Variants in CSMD1 observed in about 807,000 individuals in gnomAD.
The protein encoded by CSMD1 is CUB and Sushi multiple domains 1.
Under a neutral mutation model 417.5 loss-of-function variants are expected in CSMD1, and 213 were observed. The ratio of observed to expected loss-of-function variants is 0.51; its 90% CI spans 0.46 to 0.57. The LOEUF (loss-of-function observed/expected upper bound fraction) is 0.57, where lower values mean the gene tolerates loss of function less well. Among genes scored for constraint, CSMD1 ranks in the 20% least tolerant of loss-of-function variants. The pLI, the probability that CSMD1 is intolerant of heterozygous loss-of-function variation, is 0.00. For synonymous variants in CSMD1, 2,862 were observed against 1,736.8 expected (o/e 1.65, Z -16.11); for missense variants, 6,923 against 4,529.7 (o/e 1.53, Z -15.17).
At chr8:3,537,208 C>T (rs1255749433) in intron 10 of CSMD1, among the ~76,000 whole-genome samples, 2 of 152,070 alleles carry the variant, frequency 1.3e-5, no homozygotes, top group African/African-American at 4.8e-5. Context: ...ACCATGTTGG[C>T]CAAGATAGTC....
At chr8:3,305,528 G>A (rs892339936) in intron 25 of CSMD1, among the ~76,000 whole-genome samples, 3 of 152,036 alleles carry the variant, frequency 2.0e-5, no homozygotes, top group Non-Finnish European at 4.4e-5. Flanking sequence ...CCTGATAAAA[G>A]GTTAAGCTTG....
At chr8:3,190,448 T>A (rs1796346897) in intron 33 of CSMD1, among the ~76,000 whole-genome samples, 2 of 152,164 alleles carry the variant, frequency 1.3e-5, no homozygotes, top group Admixed American at 6.5e-5. Context: ...GAGGACGGAT[T>A]GATATTCAGG....
At chr8:3,806,615 A>G (rs545261138) in intron 5 of CSMD1, among the ~76,000 whole-genome samples, 2 of 152,342 alleles carry the variant, frequency 1.3e-5, no homozygotes, top group East Asian at 3.9e-4. Flanking sequence ...AACAACATCA[A>G]TAATCAATGT....
At chr8:3,985,528 A>T (rs1585081713) in intron 5 of CSMD1, among the ~76,000 whole-genome samples, 1 of 152,128 alleles carries the variant, frequency 6.6e-6, no homozygotes, top group African/African-American at 2.4e-5. Context: ...GATACAACGA[A>T]CACATCATTT....
chr8:4,916,875 C>T (rs975183694), intron 1 of CSMD1, among the ~76,000 whole-genome samples: 4 of 152,178 alleles, frequency 2.6e-5, no homozygotes, highest in Non-Finnish European at 4.4e-5. Flanking sequence ...AGAAAGGAAT[C>T]CTTTGTCAGC....
chr8:3,684,592 C>T (rs1419535141), intron 7 of CSMD1, among the ~76,000 whole-genome samples: 1 of 142,548 alleles, frequency 7.0e-6, no homozygotes. Context: ...GATACTGATA[C>T]AGTCTTTTTT....
At chr8:4,408,477 T>C (rs1461556781) in intron 3 of CSMD1, among the ~76,000 whole-genome samples, 1 of 152,238 alleles carries the variant, frequency 6.6e-6, no homozygotes, top group African/African-American at 2.4e-5. Context: ...TGACTGTTTT[T>C]AATAGCTTAA....
At chr8:3,375,362 G>C (rs183209624) in intron 18 of CSMD1, 1 of 152,188 alleles carries the variant, frequency 6.6e-6, no homozygotes, top group South Asian at 2.1e-4. Context: ...ACCTGTGAAA[G>C]CACAGCCTTG....
intron 1 of CSMD1, among the ~76,000 whole-genome samples, chr8:4,912,995 G>T (rs1036888683): frequency 6.6e-6 from 1 of 152,056 alleles, no homozygotes; most frequent in Admixed American, 6.5e-5. Context: ...TACCGTGTTG[G>T]CCAGGATAGT....
chr8:3,971,592 G>A (rs909621649), intron 5 of CSMD1, among the ~76,000 whole-genome samples: 1 of 152,090 alleles, frequency 6.6e-6, no homozygotes, highest in Non-Finnish European at 1.5e-5. Context: ...TGTAGAATAT[G>A]TTCAGTTTTG....
chr8:4,547,415 G>A (rs974864471), intron 2 of CSMD1, among the ~76,000 whole-genome samples: 5 of 152,084 alleles, frequency 3.3e-5, no homozygotes, highest in African/African-American at 1.2e-4. Flanking sequence ...GATTTTAGAA[G>A]AAAATACAAC....
intron 25 of CSMD1, among the ~76,000 whole-genome samples, chr8:3,307,408 G>C (rs544193465): frequency 2.1e-4 from 8 of 38,638 alleles, no homozygotes; most frequent in South Asian, 6.6e-4. Context: ...AACCCACGAA[G>C]TCATGATGTT....
chr8:4,166,204 T>G (rs550337125), intron 3 of CSMD1, among the ~76,000 whole-genome samples: 1 of 152,328 alleles, frequency 6.6e-6, no homozygotes, highest in South Asian at 2.1e-4. Context: ...TAGTCAGTTT[T>G]ATGACATATT....
intron 3 of CSMD1, among the ~76,000 whole-genome samples, chr8:4,296,372 T>A (rs1212731179): frequency 1.3e-5 from 2 of 152,150 alleles, no homozygotes; most frequent in Non-Finnish European, 2.9e-5. Context: ...CAGGACCACA[T>A]CCATTATTTC....
At chr8:4,812,200 T>C (rs973651852) in intron 1 of CSMD1, among the ~76,000 whole-genome samples, 3 of 152,340 alleles carry the variant, frequency 2.0e-5, no homozygotes, top group Admixed American at 2.0e-4. Flanking sequence ...GTCTGTTCAC[T>C]GCCTTGCCTA....
chr8:3,215,427 C>G (rs1797826954), intron 29 of CSMD1, among the ~76,000 whole-genome samples: 1 of 152,152 alleles, frequency 6.6e-6, no homozygotes, highest in African/African-American at 2.4e-5. Context: ...AGACATGGAA[C>G]TAGGTGCATT....
rs998094778 is a variant in CSMD1, at chr8:3,707,911, G to C, written c.1009+503C>G. On this transcript the variant is annotated intron_variant, in intron 7 of 69. Coordinates refer to ENST00000635120, the MANE Select transcript of CSMD1 (RefSeq NM_033225.6). ...TGATCTGGTATCTACCAGGTCCTGG[G>C]CACGTGCAAAAGTCATCAGCCAGAC... Among the ~76,000 whole-genome samples, 3 of 152,226 alleles carry C rather than the reference G, an allele frequency of 2.0e-5. No homozygotes were observed. The East Asian group carries it at 5.8e-4, about 29-fold the overall frequency.
At chr8:3,737,306 G>A (rs981481622) in intron 6 of CSMD1, among the ~76,000 whole-genome samples, 4 of 152,134 alleles carry the variant, frequency 2.6e-5, no homozygotes, top group East Asian at 1.9e-4. Context: ...ACTTCCTTCA[G>A]GAGGCAAAGA....
At chr8:4,367,796 C>A (rs1419528976) in intron 3 of CSMD1, among the ~76,000 whole-genome samples, 3 of 152,010 alleles carry the variant, frequency 2.0e-5, no homozygotes, top group Admixed American at 2.0e-4. Context: ...AGTTATATCC[C>A]TAGGTATTTT....
Sources: gnomAD v4.1 joint callset for allele counts (sites outside exome capture counted in the v4.1 genomes callset) on GRCh38, gnomAD v4.1.1 for gene constraint, MANE v1.5 for transcripts, NCBI Gene and HGNC (gene_info 2026-07-23, HGNC 2026-07-21) for gene names.